The following PHLPP1 variants were observed in gnomAD, a reference collection of about 807,000 sequenced individuals.
PHLPP1 encodes the protein PH domain leucine-rich repeat-containing protein phosphatase 1.
PHLPP1 carries 42 observed loss-of-function variants against 117.2 expected under a neutral mutation model. The ratio of observed to expected loss-of-function variants is 0.36; its 90% CI spans 0.28 to 0.46. The LOEUF is 0.46. Ranked by LOEUF, PHLPP1 falls within the 20% of genes least tolerant of loss-of-function variation. The pLI, the probability that PHLPP1 is intolerant of heterozygous loss-of-function variation, is 1.00. For synonymous variants in PHLPP1, 1,042 were observed against 970.7 expected, an observed-to-expected ratio of 1.07 and a Z score of -1.37; for missense variants, 2,084 against 2,241.9, an observed-to-expected ratio of 0.93 and a Z score of 1.42.
At chr18:62,852,982 C>G (rs144713879) in intron 3 of PHLPP1, among the ~76,000 whole-genome samples, 3 of 152,200 alleles carry the variant, frequency 2.0e-5, no homozygotes, top group African/African-American at 7.2e-5. Context: ...CAAATGCAAC[C>G]CAGCTACACT....
chr18:62,900,158 G>A (rs1373197740), intron 6 of PHLPP1, among the ~76,000 whole-genome samples: 1 of 152,044 alleles, frequency 6.6e-6, no homozygotes, highest in East Asian at 1.9e-4. Flanking sequence ...TTAGCTGGCT[G>A]TGGTGGCATG....
intron 9 of PHLPP1, among the ~76,000 whole-genome samples, chr18:62,918,437 T>C (rs1016017848): frequency 6.7e-6 from 1 of 149,620 alleles, no homozygotes; most frequent in African/African-American, 2.5e-5. Flanking sequence ...TAAATATATA[T>C]ATATATATAT....
intron 6 of PHLPP1, among the ~76,000 whole-genome samples, chr18:62,901,052 T>C (rs540786112): frequency 6.6e-6 from 1 of 152,250 alleles, no homozygotes. Context: ...TAGCTTTCTT[T>C]TTTGTTACAT....
intron 4 of PHLPP1, among the ~76,000 whole-genome samples, chr18:62,890,569 T>G (rs1415001850): frequency 6.6e-6 from 1 of 152,150 alleles, no homozygotes; most frequent in Non-Finnish European, 1.5e-5. Flanking sequence ...CCAAGCCTTC[T>G]TTTCCATTTA....
intron 1 of PHLPP1, among the ~76,000 whole-genome samples, chr18:62,767,466 G>A (rs767748570): frequency 6.6e-6 from 1 of 152,186 alleles, no homozygotes; most frequent in Non-Finnish European, 1.5e-5. Flanking sequence ...GTTTTCTGTT[G>A]GATTTGATCC....
chr18:62,734,206 C>CT (rs1196782103), intron 1 of PHLPP1, among the ~76,000 whole-genome samples: 3 of 151,634 alleles, frequency 2.0e-5, no homozygotes, highest in Non-Finnish European at 2.9e-5. Flanking sequence ...AAGGGAGGTA[C>CT]TTTTTTTTAG....
chr18:62,926,939 G>A (rs953212761), intron 10 of PHLPP1, among the ~76,000 whole-genome samples: 2 of 152,124 alleles, frequency 1.3e-5, no homozygotes, highest in South Asian at 2.1e-4. Context: ...GTCAAGCGAC[G>A]GCAGATTCAG....
chr18:62,725,359 CAA>C (rs768416457), intron 1 of PHLPP1, among the ~76,000 whole-genome samples: 6 of 85,474 alleles, frequency 7.0e-5, no homozygotes, highest in Admixed American at 2.5e-4. Flanking sequence ...AACTCAGTCT[CAA>C]AAAAAAAAAA....
chr18:62,940,399 C>G (rs1401277727), intron 10 of PHLPP1, among the ~76,000 whole-genome samples: 1 of 101,240 alleles, frequency 9.9e-6, no homozygotes, highest in Admixed American at 1.6e-4. Context: ...GAATCTCGCT[C>G]TGTCGCCCAG....
chr18:62,889,930 T>C (rs2144393030), intron 4 of PHLPP1, among the ~76,000 whole-genome samples: 1 of 152,330 alleles, frequency 6.6e-6, no homozygotes, highest in South Asian at 2.1e-4. Flanking sequence ...CAAGAACATT[T>C]CCATTAGGAC....
chr18:62,969,058 G>GT (rs1910981972), intron 14 of PHLPP1, among the ~76,000 whole-genome samples: 1 of 151,530 alleles, frequency 6.6e-6, no homozygotes, highest in East Asian at 1.9e-4. Context: ...GGTTTTTTGG[G>GT]TTTTTTTGTT....
intron 1 of PHLPP1, chr18:62,826,215 G>T (rs748798391): frequency 2.6e-6 from 1 of 387,124 alleles, no homozygotes; most frequent in South Asian, 2.0e-5. Context: ...AGCTTTATAT[G>T]ACATGAAAAG....
At chr18:62,867,623 CTT>C (rs1344780988) in intron 4 of PHLPP1, among the ~76,000 whole-genome samples, 2 of 152,036 alleles carry the variant, frequency 1.3e-5, no homozygotes, top group African/African-American at 2.4e-5. Flanking sequence ...TTCTTGGAGA[CTT>C]TTTTCTTCCT....
chr18:62,868,491 G>A (rs1053467037), intron 4 of PHLPP1, among the ~76,000 whole-genome samples: 3 of 151,798 alleles, frequency 2.0e-5, no homozygotes, highest in African/African-American at 4.8e-5. Flanking sequence ...GCGTCATGGC[G>A]CACACCTATA....
chr18:62,763,201 G>T (rs1204421839), intron 1 of PHLPP1, among the ~76,000 whole-genome samples: 2 of 152,172 alleles, frequency 1.3e-5, no homozygotes, highest in Non-Finnish European at 2.9e-5. Context: ...TAGCCAACCT[G>T]TGCAGCTAAA....
At chr18:62,817,851 CTTTTTT>C (rs71340119) in intron 1 of PHLPP1, among the ~76,000 whole-genome samples, 2 of 85,966 alleles carry the variant, frequency 2.3e-5, no homozygotes, top group East Asian at 6.8e-4. Flanking sequence ...TGGCAACAGA[CTTTTTT>C]TTTTTTTTTT....
rs1599152347 is a variant in PHLPP1 at position 62,979,656 on chromosome 18, C to T, written c.*225C>T. 3.5e-6 allele frequency: 2 copies of T among 574,458 alleles called. No homozygotes were observed. The highest frequency in any genetic ancestry group is 3.3e-5 in the Admixed American group (1 of 30,430). The allele number at this position is 574,458 out of a possible 1,614,324, so 35.6% of individuals were successfully genotyped here. On this transcript the variant is annotated 3_prime_UTR_variant, in exon 17 of 17. Transcript: ENST00000262719. ...TACCAATATGATTTACATTTGTTAA[C>T]TTCTCCCCCTAACATATCAGATATG...
intron 4 of PHLPP1, among the ~76,000 whole-genome samples, chr18:62,870,162 C>G (rs1418493421): frequency 6.6e-6 from 1 of 152,146 alleles, no homozygotes; most frequent in Non-Finnish European, 1.5e-5. Context: ...TCCCACAATG[C>G]TGGAATTACA....
intron 4 of PHLPP1, among the ~76,000 whole-genome samples, chr18:62,876,670 A>G (rs1406656482): frequency 6.6e-6 from 1 of 152,248 alleles, no homozygotes; most frequent in Non-Finnish European, 1.5e-5. Context: ...TGTATTTAGT[A>G]TTCAAGGTGA....
Sources: gnomAD v4.1 joint callset for allele counts (sites outside exome capture counted in the v4.1 genomes callset) on GRCh38, gnomAD v4.1.1 for gene constraint, MANE v1.5 for transcripts, NCBI Gene and HGNC (gene_info 2026-07-23, HGNC 2026-07-21) for gene names.